Variants in PCDH1 observed in about 807,000 individuals in gnomAD.
PCDH1 encodes protocadherin 1.
Under a neutral mutation model 74.6 loss-of-function variants are expected in PCDH1, and 23 were observed. The ratio of observed to expected loss-of-function variants is 0.31; its 90% CI spans 0.22 to 0.44. PCDH1 has a LOEUF of 0.44. PCDH1 is among the 20% of genes least tolerant of loss of function. PCDH1 has a pLI of 1.00. For synonymous variants in PCDH1, 647 were observed against 686.1 expected (o/e 0.94, Z 0.89); for missense variants, 1,214 against 1,641.4 (o/e 0.74, Z 4.50).
rs773728323 is a variant in PCDH1, at chr5:141,864,607, C to T, written c.1724G>A (p.Arg575Gln). 21 of 1,613,446 alleles carry T rather than the reference C, an allele frequency of 1.3e-5. No homozygotes were observed. Among genetic ancestry groups the T allele is most frequent in the Middle Eastern group, 1.6e-4 (1 of 6,084 alleles). Residue 575 changes from arginine to glutamine, a missense_variant, in exon 3 of 5, where the codon CGG (arginine) becomes CAG (glutamine). Transcript: ENST00000287008. The surrounding 1 kb of genome is among the most constrained non-coding windows in gnomAD (Gnocchi z 5.9). Reference protein sequence around the residue: ...QVKTSLDREQRESYELKVVAA... With the variant: ...QVKTSLDREQQESYELKVVAA... The stretch of plus-strand genomic sequence containing the variant: ...CACCACCTTCAACTCATAGCTCTCC[C>T]GCTGTTCCCGATCCAGAGATGTCTT...
rs918326445 is a variant in PCDH1, at chr5:141,871,048, T to C, written c.41-1617A>G. 2.6e-5 allele frequency among the ~76,000 whole-genome samples: 4 copies of C among 152,184 alleles called. No individual in the cohort carries two copies. In the South Asian group the frequency reaches 6.2e-4, roughly 24 times the overall value. ...ATTGTCTGCTCCAATCCCAAGGCAA[T>C]GAATCATGGGGCTGACTGGGACACC... On this transcript the variant is annotated intron_variant, in intron 1 of 4. Transcript: ENST00000287008.
rs752861373 is a variant in PCDH1, at chr5:141,857,336, G to A, written c.3235C>T (p.Leu1079Phe). 2 of 1,613,908 alleles carry A rather than the reference G, an allele frequency of 1.2e-6. No homozygotes were observed. Among genetic ancestry groups the A allele is most frequent in the Non-Finnish European group, 1.7e-6 (2 of 1,179,936 alleles). The change falls in exon 4 of 5, where the codon CTC becomes TTC. Residue 1079 changes from leucine (L) to phenylalanine (F), a missense_variant. By Grantham distance (22) the Leu-to-Phe change is conservative. This residue lies in a region of PCDH1 where 836 missense variants were observed against 1,182.2 expected (regional missense o/e 0.71). Coordinates refer to ENST00000287008, the MANE Select transcript of PCDH1 (RefSeq NM_032420.5). Reference protein sequence around the residue: ...PSSKSSSGPRLGPLALPEDHY... With the variant: ...PSSKSSSGPRFGPLALPEDHY... ...TCCTCAGGCAGGGCCAGGGGACCGA[G>A]TCGAGGCCCTGAGGATGACTTGCTG...
chr5:141,855,554 T>C (rs1425284227), intron 4 of PCDH1, among the ~76,000 whole-genome samples: 1 of 152,054 alleles, frequency 6.6e-6, no homozygotes, highest in Non-Finnish European at 1.5e-5. Flanking sequence ...TATCCTCAGA[T>C]GAAATTGGGT....
At position 141,860,525 on chromosome 5, in the gene PCDH1, G is replaced by A. The variant is rs77740082; in HGVS notation, c.3099+2707C>T. Among the ~76,000 whole-genome samples, 51 of 149,202 alleles carry A rather than the reference G, an allele frequency of 3.4e-4. No homozygotes were observed. The East Asian group carries it at 6.5e-3, about 19-fold the overall frequency. On this transcript the variant is annotated intron_variant, in intron 3 of 4. Coordinates refer to ENST00000287008, the MANE Select transcript of PCDH1 (RefSeq NM_032420.5). ...AAAAAAAAAAAAAAAAAGGTTAAAC[G>A]AAGTCTAACAGGTTCCCCCTTTTTT...
At position 141,872,163 on chromosome 5, in the gene PCDH1, G is replaced by A. The variant is rs533566765; in HGVS notation, c.41-2732C>T. Among the ~76,000 whole-genome samples, 206 of 124,068 alleles carry A rather than the reference G, an allele frequency of 1.7e-3. 1 individual carries two copies. The highest frequency in any genetic ancestry group is 6.4e-3 in the African/African-American group (202 of 31,482). 81.4% of individuals were successfully genotyped at this position (124,068 alleles called of 152,430 possible). On this transcript the variant is annotated intron_variant, in intron 1 of 4. Transcript: ENST00000287008. Reference sequence around the variant, plus strand: ...TCCACCTGCATGGACCTGGCACAAGGCTCATCTGACTACTTCAACCCCAAC... The same window carrying A: ...TCCACCTGCATGGACCTGGCACAAGACTCATCTGACTACTTCAACCCCAAC...
intron 1 of PCDH1, among the ~76,000 whole-genome samples, chr5:141,877,300 A>G (rs1165866072): frequency 6.6e-6 from 1 of 152,138 alleles, no homozygotes; most frequent in East Asian, 1.9e-4. Context: ...GTAGGTGCCA[A>G]TTCCTGTGTT....
Position 141,865,958 on chromosome 5 carries a change from T to C in PCDH1, c.904-531A>G, listed in dbSNP as rs1258149652. 17 of 668,030 alleles carry C rather than the reference T, an allele frequency of 2.5e-5. No homozygotes were observed. The highest frequency in any genetic ancestry group is 1.1e-4 in the East Asian group (1 of 8,822). 41.4% of individuals were successfully genotyped at this position (668,030 alleles called of 1,614,324 possible). On this transcript the variant is annotated intron_variant, in intron 2 of 4. Transcript: ENST00000287008. This position sits in a 1 kb window ranked among gnomAD's most constrained non-coding sequence, Gnocchi z 4.4. ...TGTGATATGTTTGTGTGAGAAGGTA[T>C]ATGTGTTTGTATGTGTATGATTGTG... is the stretch of plus-strand genomic sequence containing the variant.
chr5:141,859,377 C>T (rs1465026523), intron 3 of PCDH1, among the ~76,000 whole-genome samples: 1 of 152,088 alleles, frequency 6.6e-6, no homozygotes, highest in Non-Finnish European at 1.5e-5. Context: ...GGGTTATACC[C>T]AACACTTAAT....
At chr5:141,874,956 C>T (rs1217169602) in intron 1 of PCDH1, among the ~76,000 whole-genome samples, 1 of 152,084 alleles carries the variant, frequency 6.6e-6, no homozygotes, top group African/African-American at 2.4e-5. Flanking sequence ...CTCTATTAGC[C>T]TCTGCAGGGC....
At chr5:141,866,154 C>A in intron 2 of PCDH1, 2 of 985,466 alleles carry the variant, frequency 2.0e-6, no homozygotes, top group Non-Finnish European at 2.4e-6. Flanking sequence ...CCCTCCAGGC[C>A]GGGCCCCAGC....
chr5:141,865,053 C>G lies in PCDH1; in HGVS notation c.1278G>C (p.Glu426Asp). The change falls in exon 3 of 5, where the codon GAG (glutamate) becomes GAC (aspartate). Residue 426 changes from glutamate (E) to aspartate (D), a missense_variant. This residue lies in a region of PCDH1 where 836 missense variants were observed against 1,182.2 expected (regional missense o/e 0.71). Transcript: ENST00000287008. The surrounding 1 kb of genome is among the most constrained non-coding windows in gnomAD (Gnocchi z 4.4). ...CCACCACACAGGTGACAGCTGCATTCTCTCCCTCATCTCGGTCAGACACCT... is the reference window on the plus strand; with the variant it reads ...CCACCACACAGGTGACAGCTGCATTGTCTCCCTCATCTCGGTCAGACACCT... Reference protein sequence around the residue: ...LVQVSDRDEGENAAVTCVVAG... With the variant: ...LVQVSDRDEGDNAAVTCVVAG... 4 of 1,614,192 alleles carry G rather than the reference C, an allele frequency of 2.5e-6. No individual in the cohort carries two copies. The highest frequency in any genetic ancestry group is 3.4e-6 in the Non-Finnish European group (4 of 1,180,034).
chr5:141,870,266 G>A (rs980613804), intron 1 of PCDH1, among the ~76,000 whole-genome samples: 1 of 149,606 alleles, frequency 6.7e-6, no homozygotes, highest in East Asian at 2.0e-4. Flanking sequence ...GTGCACACAT[G>A]CCCCAGAGCA....
At chr5:141,877,542 T>C (rs1188704666) in intron 1 of PCDH1, among the ~76,000 whole-genome samples, 1 of 152,152 alleles carries the variant, frequency 6.6e-6, no homozygotes, top group Non-Finnish European at 1.5e-5. Context: ...GAGATTGTGT[T>C]TGTGTGTCCA....
Position 141,869,818 on chromosome 5 carries a change from T to G in PCDH1, c.41-387A>C. On this transcript the variant is annotated intron_variant, in intron 1 of 4. Transcript: ENST00000287008. The surrounding 1 kb of genome is among the most constrained non-coding windows in gnomAD (Gnocchi z 4.9). ...CCTTCTCACGAGCATCCTGCCTTAG[T>G]CACCGATGGTAATTACCTTGATACT... The G allele has an allele frequency of 1.0e-6, 1 of 985,008 alleles. No homozygotes were observed. Among genetic ancestry groups the G allele is most frequent in the Non-Finnish European group, 1.2e-6 (1 of 829,546 alleles). 61.0% of individuals were successfully genotyped at this position (985,008 alleles called of 1,614,324 possible).
At chr5:141,855,510 C>T (rs1189537981) in intron 4 of PCDH1, among the ~76,000 whole-genome samples, 2 of 152,094 alleles carry the variant, frequency 1.3e-5, no homozygotes, top group Non-Finnish European at 2.9e-5. Context: ...CACAGATAGG[C>T]ATGGATACAC....
At chr5:141,866,896 G>A (rs1046429029) in intron 2 of PCDH1, among the ~76,000 whole-genome samples, 3 of 152,156 alleles carry the variant, frequency 2.0e-5, no homozygotes, top group Non-Finnish European at 4.4e-5. Context: ...ACTGCACCTA[G>A]TGAGCCCTCA....
Position 141,861,918 on chromosome 5 carries a change from G to A in PCDH1, c.3099+1314C>T, listed in dbSNP as rs556776806. On this transcript the variant is annotated intron_variant, in intron 3 of 4. Transcript: ENST00000287008. The stretch of plus-strand genomic sequence containing the variant: ...TGGCCAGAGCAAGGAGTGGAAAGTG[G>A]GGAGGGAGGTAGCATCACAGGCGGA... 1.3e-3 allele frequency among the ~76,000 whole-genome samples: 203 copies of A among 152,312 alleles called. 1 individual carries two copies. Among genetic ancestry groups the A allele is most frequent in the Non-Finnish European group, 4.9e-4 (33 of 68,038 alleles).
chr5:141,874,916 C>T (rs1753182346), intron 1 of PCDH1, among the ~76,000 whole-genome samples: 1 of 152,134 alleles, frequency 6.6e-6, no homozygotes, highest in South Asian at 2.1e-4. Context: ...GTGTGCAGAC[C>T]TCAGCTCCTC....
In PCDH1 at chr5:141,864,578, C is replaced by T. The variant is rs939424475; in HGVS notation, c.1753G>A (p.Ala585Thr). The T allele has an allele frequency of 1.2e-6, 2 of 1,613,768 alleles. No homozygotes were observed. The highest frequency in any genetic ancestry group is 1.7e-6 in the Non-Finnish European group (2 of 1,180,046). ...RESYELKVVA[A>T]DRGSPSLQGT... Reference sequence around the variant, plus strand: ...TGGAGGCTAGGACTGCCCCGGTCAGCTGCCACCACCTTCAACTCATAGCTC... The same window carrying T: ...TGGAGGCTAGGACTGCCCCGGTCAGTTGCCACCACCTTCAACTCATAGCTC... The change falls in exon 3 of 5, where the codon GCT becomes ACT. Residue 585 changes from alanine (A) to threonine (T), a missense_variant. By Grantham distance (58) the Ala-to-Thr change is moderately conservative. Coordinates refer to ENST00000287008, the MANE Select transcript of PCDH1 (RefSeq NM_032420.5). This position sits in a 1 kb window ranked among gnomAD's most constrained non-coding sequence, Gnocchi z 5.9.
Sources: gnomAD v4.1 joint callset for allele counts (sites outside exome capture counted in the v4.1 genomes callset) on GRCh38, gnomAD v4.1.1 for gene constraint, gnomAD v4.1.1 regional missense constraint, Gnocchi (gnomAD v3.1) non-coding constraint, MANE v1.5 for transcripts, NCBI Gene and HGNC (gene_info 2026-07-23, HGNC 2026-07-21) for gene names.